Variants in SP4 observed in about 807,000 individuals in gnomAD.
SP4 encodes transcription factor Sp4.
SP4 carries 19 observed loss-of-function variants against 72.8 expected under a neutral mutation model. The observed-to-expected ratio is 0.26, with a 90% CI of 0.18 to 0.38. SP4 has a LOEUF of 0.38. SP4 is among the 10% of genes least tolerant of loss of function. SP4 has a pLI of 1.00. For missense variants in SP4, 1,008 were observed against 926.3 expected (o/e 1.09, Z -1.14); for synonymous variants, 395 against 333.1 (o/e 1.19, Z -2.02).
intron 5 of SP4, among the ~76,000 whole-genome samples, chr7:21,486,080 A>G (rs1010041744): frequency 2.0e-5 from 3 of 151,926 alleles, no homozygotes; most frequent in Admixed American, 6.6e-5. Flanking sequence ...TTTGGCTAAT[A>G]CAGTATTCTA....
At chr7:21,435,787 A>T (rs1275749370) in intron 3 of SP4, among the ~76,000 whole-genome samples, 1 of 151,704 alleles carries the variant, frequency 6.6e-6, no homozygotes, top group Non-Finnish European at 1.5e-5. Context: ...CTATTGAATG[A>T]TTTTTTCATG....
At chr7:21,506,815 T>C (rs1372225326) in intron 5 of SP4, among the ~76,000 whole-genome samples, 1 of 152,234 alleles carries the variant, frequency 6.6e-6, no homozygotes, top group Non-Finnish European at 1.5e-5. Context: ...TGAGCCTATA[T>C]AGGAATGCAG....
chr7:21,488,267 T>A (rs1459340170), intron 5 of SP4, among the ~76,000 whole-genome samples: 1 of 152,232 alleles, frequency 6.6e-6, no homozygotes, highest in African/African-American at 2.4e-5. Context: ...CATGTTTTTT[T>A]AAGATACAAA....
chr7:21,450,463 T>G (rs753917203), intron 3 of SP4, among the ~76,000 whole-genome samples: 5 of 152,130 alleles, frequency 3.3e-5, no homozygotes, highest in Non-Finnish European at 5.9e-5. Flanking sequence ...CATTGGGCCT[T>G]CATATAAGTA....
chr7:21,507,268 C>T (rs1311469412), intron 5 of SP4, among the ~76,000 whole-genome samples: 1 of 152,182 alleles, frequency 6.6e-6, no homozygotes, highest in Non-Finnish European at 1.5e-5. Context: ...TGGGAACTCC[C>T]CTAAGAGGGA....
chr7:21,448,147 T>A (rs7781732), intron 3 of SP4, among the ~76,000 whole-genome samples: 116,972 of 152,170 alleles, frequency 0.77, 45,865 homozygotes, highest in African/African-American at 0.93. Context: ...ATCTAAATTT[T>A]TTGAACCACT....
chr7:21,447,796 G>C (rs935510239), intron 3 of SP4, among the ~76,000 whole-genome samples: 2 of 152,166 alleles, frequency 1.3e-5, no homozygotes, highest in African/African-American at 2.4e-5. Context: ...CGATTCTCTT[G>C]TGTCAGCCTC....
chr7:21,476,239 A>C (rs960642780), intron 3 of SP4, among the ~76,000 whole-genome samples: 2 of 133,656 alleles, frequency 1.5e-5, no homozygotes, highest in Admixed American at 8.8e-5. Flanking sequence ...GTGCTACTGC[A>C]CTCCAGCCTG....
chr7:21,499,969 T>C (rs1485266324), intron 5 of SP4, among the ~76,000 whole-genome samples: 1 of 152,210 alleles, frequency 6.6e-6, no homozygotes, highest in East Asian at 1.9e-4. Flanking sequence ...AATCTATCAT[T>C]CCATTTGAAA....
chr7:21,450,837 G>T (rs1418702807), intron 3 of SP4, among the ~76,000 whole-genome samples: 1 of 152,136 alleles, frequency 6.6e-6, no homozygotes, highest in Non-Finnish European at 1.5e-5. Flanking sequence ...ATTTAACCAA[G>T]GGGCATAAGG....
intron 5 of SP4, among the ~76,000 whole-genome samples, chr7:21,504,925 C>A (rs369491687): frequency 6.6e-6 from 1 of 152,162 alleles, no homozygotes; most frequent in East Asian, 1.9e-4. Context: ...ATTCCCTCTT[C>A]CCTCCCCAGG....
At chr7:21,466,095 C>T (rs1376208779) in intron 3 of SP4, among the ~76,000 whole-genome samples, 1 of 152,072 alleles carries the variant, frequency 6.6e-6, no homozygotes, top group African/African-American at 2.4e-5. Flanking sequence ...TCACTGTCCT[C>T]TCTGTTAAGT....
At chr7:21,443,068 G>C (rs1457595681) in intron 3 of SP4, among the ~76,000 whole-genome samples, 1 of 152,202 alleles carries the variant, frequency 6.6e-6, no homozygotes, top group Non-Finnish European at 1.5e-5. Context: ...ACAAAATTGA[G>C]AATTAGCTCA....
In SP4 at chr7:21,479,872, A is replaced by G. The variant is rs149320214; in HGVS notation, c.1908-2052A>G. ...AAATTCCAATTTTATTTCTGATGCT[A>G]TTATAAGTTGAACTGTTTTCTTGAT... On this transcript the variant is annotated intron_variant, in intron 4 of 5. Coordinates refer to ENST00000222584, the MANE Select transcript of SP4 (RefSeq NM_003112.5). Among the ~76,000 whole-genome samples the G allele has an allele frequency of 9.7e-3, 1,473 of 152,262 alleles. 17 individuals carry two copies. The highest frequency in any genetic ancestry group is 0.017 in the Middle Eastern group (5 of 294).
chr7:21,445,142 G>A (rs146008942), intron 3 of SP4, among the ~76,000 whole-genome samples: 6 of 152,206 alleles, frequency 3.9e-5, no homozygotes, highest in African/African-American at 1.4e-4. Context: ...GAATATAAGC[G>A]CAATAAGAGT....
intron 3 of SP4, among the ~76,000 whole-genome samples, chr7:21,442,576 G>A (rs1327035164): frequency 2.6e-5 from 4 of 152,156 alleles, no homozygotes; most frequent in Admixed American, 2.6e-4. Flanking sequence ...GGAAGAACTA[G>A]TTCTGCTTGT....
chr7:21,448,955 G>A (rs1380294621), intron 3 of SP4, among the ~76,000 whole-genome samples: 1 of 152,110 alleles, frequency 6.6e-6, no homozygotes, highest in Admixed American at 6.5e-5. Context: ...TCTGAGGTCT[G>A]CTGACTTTGG....
chr7:21,434,852 T>A (rs908642985), intron 3 of SP4, among the ~76,000 whole-genome samples: 19 of 151,662 alleles, frequency 1.3e-4, no homozygotes, highest in Non-Finnish European at 2.5e-4. Context: ...CTTGTAAGTG[T>A]GAACGTGCTG....
chr7:21,490,643 G>C (rs976750264), intron 5 of SP4, among the ~76,000 whole-genome samples: 1 of 152,158 alleles, frequency 6.6e-6, no homozygotes, highest in African/African-American at 2.4e-5. Flanking sequence ...TTTTGAGAGC[G>C]ATATAAAAGA....
Sources: gnomAD v4.1 joint callset for allele counts (sites outside exome capture counted in the v4.1 genomes callset) on GRCh38, gnomAD v4.1.1 for gene constraint, MANE v1.5 for transcripts, NCBI Gene and HGNC (gene_info 2026-07-23, HGNC 2026-07-21) for gene names.